TET3: variants seen among roughly 807,000 people sequenced by gnomAD.
The protein encoded by TET3 is tet methylcytosine dioxygenase 3, also known as methylcytosine dioxygenase TET3.
Under a neutral mutation model 141.4 loss-of-function variants are expected in TET3, and 19 were observed. That is an observed-to-expected ratio of 0.13 (90% CI 0.09 to 0.20). TET3 has a LOEUF of 0.20. Among genes scored for constraint, TET3 ranks in the 10% least tolerant of loss-of-function variants. The pLI is 1.00. For synonymous variants in TET3, 1,043 were observed against 980.9 expected (o/e 1.06, Z -1.18); for missense variants, 1,874 against 2,356.9 (o/e 0.80, Z 4.24).
intron 4 of TET3, among the ~76,000 whole-genome samples, chr2:74,050,229 T>A (rs1391269381): frequency 6.6e-6 from 1 of 152,364 alleles, no homozygotes; most frequent in South Asian, 2.1e-4. Context: ...TGGGAGTGCT[T>A]GGGCACTTTA....
chr2:74,044,554 A>G (rs1687513761), intron 3 of TET3, among the ~76,000 whole-genome samples: 1 of 152,230 alleles, frequency 6.6e-6, no homozygotes, highest in Non-Finnish European at 1.5e-5. Context: ...CACAGAACAC[A>G]ATATCCAGAA....
Position 74,104,908 on chromosome 2 carries a change from G to A in TET3, c.*2732G>A. The A allele has an allele frequency of 2.9e-6, 1 of 345,716 alleles. No individual in the cohort carries two copies. Among genetic ancestry groups the A allele is most frequent in the Non-Finnish European group, 5.2e-6 (1 of 193,766 alleles). 21.4% of individuals were successfully genotyped at this position (345,716 alleles called of 1,614,324 possible). A position where few individuals can be genotyped will look rare whatever the true frequency, so the allele number is the denominator to read the frequency against. On this transcript the variant is annotated 3_prime_UTR_variant, in exon 12 of 12. Coordinates refer to ENST00000409262, the MANE Select transcript of TET3 (RefSeq NM_001287491.2). ...CTCCCCGCAGAATGGCGTTTCCAGA[G>A]TTAGGCGGTGTGGTTGCCGTGCTCA...
At position 74,043,932 on chromosome 2, in the gene TET3, A is replaced by G. The variant is rs535742273; in HGVS notation, c.361-2346A>G. Among the ~76,000 whole-genome samples, 10 of 152,316 alleles carry G rather than the reference A, an allele frequency of 6.6e-5. No homozygotes were observed. The South Asian group carries it at 2.1e-3, about 32-fold the overall frequency. ...CCCAACACTTTAGGAGGCTAAGGCC[A>G]GAGGATCATTTGAGGCCAGAAGTTA... On this transcript the variant is annotated intron_variant, in intron 3 of 11. Coordinates refer to ENST00000409262, the MANE Select transcript of TET3 (RefSeq NM_001287491.2).
At chr2:74,027,259 G>C (rs911957740) in intron 3 of TET3, among the ~76,000 whole-genome samples, 3 of 151,908 alleles carry the variant, frequency 2.0e-5, no homozygotes, top group Non-Finnish European at 2.9e-5. Flanking sequence ...TGGAGATGCA[G>C]ATGAAGGATC....
At chr2:74,113,025 A>AAAAC (rs1691742503), downstream of TET3, among the ~76,000 whole-genome samples, 1 of 137,382 alleles carries the variant, frequency 7.3e-6, no homozygotes, top group African/African-American at 2.9e-5. Flanking sequence ...AAAAAAAAAA[A>AAAAC]AAAAAAAAAA....
intron 4 of TET3, among the ~76,000 whole-genome samples, chr2:74,065,475 A>C (rs563384560): frequency 5.9e-4 from 89 of 151,988 alleles, no homozygotes; most frequent in Non-Finnish European, 1.2e-3. Context: ...TCAACAAGAA[A>C]TATCCAGGGC....
At position 73,986,391 on chromosome 2, in the gene TET3, C is replaced by G. The variant is rs1684027018; in HGVS notation, c.-13C>G. The stretch of plus-strand genomic sequence containing the variant: ...TCTGCCCCAGCACCTATGACCCCAC[C>G]TCTGGCAGCATCATGAGCCAGTTTC... On this transcript the variant is annotated 5_prime_UTR_variant, in exon 2 of 12. Coordinates refer to ENST00000409262, the MANE Select transcript of TET3 (RefSeq NM_001287491.2). 4.5e-5 allele frequency: 55 copies of G among 1,232,098 alleles called. No individual in the cohort carries two copies. Among genetic ancestry groups the G allele is most frequent in the Non-Finnish European group, 5.5e-5 (54 of 988,096 alleles). 76.3% of individuals were successfully genotyped at this position (1,232,098 alleles called of 1,614,324 possible).
intron 3 of TET3, among the ~76,000 whole-genome samples, chr2:74,017,506 C>T (rs1248125481): frequency 6.6e-6 from 1 of 152,120 alleles, no homozygotes; most frequent in Non-Finnish European, 1.5e-5. Context: ...TCTTTCTGTC[C>T]CTGGCTTATT....
At chr2:74,129,764 GT>G in the TET3 span, among the ~76,000 whole-genome samples, 2 of 152,140 alleles carry the variant, frequency 1.3e-5, no homozygotes, top group African/African-American at 4.8e-5. Flanking sequence ...GCAGGAGTCT[GT>G]TGTTACACTC....
intron 2 of TET3, among the ~76,000 whole-genome samples, chr2:73,994,207 ACAGT>A (rs764183359): frequency 1.3e-4 from 20 of 152,162 alleles, no homozygotes; most frequent in Non-Finnish European, 2.6e-4. Context: ...AAGAATGTTG[ACAGT>A]CTGTCTTGAA....
chr2:74,080,708 G>GGA (rs1553432212), intron 6 of TET3, 117 bp downstream of exon 6: 1 of 339,890 alleles, frequency 2.9e-6, no homozygotes, highest in Admixed American at 4.1e-5. Context: ...GCGGGGGGTG[G>GGA]GGCCAGGTGG....
At chr2:74,059,717 G>A (rs1455935601) in intron 4 of TET3, among the ~76,000 whole-genome samples, 1 of 151,786 alleles carries the variant, frequency 6.6e-6, no homozygotes, top group East Asian at 1.9e-4. Context: ...TGGCTAATTT[G>A]TAAATTTTTT....
chr2:74,101,372 C>T lies in TET3; in HGVS notation c.4584C>T (p.Pro1528=). ...ACAGCACCTCGGCCTTGGCTGGGCC[C>T]AGCCTGACTGAGAAGCCGTGGGCGC... ...FGNSTSALAG[P]SLTEKPWALG... is the part of the protein sequence containing the mutation. Residue 1528 remains proline, a synonymous_variant, in exon 12 of 12, where the codon CCC becomes CCT. Transcript: ENST00000409262. This position sits in a 1 kb window ranked among gnomAD's most constrained non-coding sequence, Gnocchi z 8.5. 1 of 1,613,904 alleles carries T rather than the reference C, an allele frequency of 6.2e-7. No individual in the cohort carries two copies. The highest frequency in any genetic ancestry group is 8.5e-7 in the Non-Finnish European group (1 of 1,179,884).
chr2:74,079,150 G>A (rs539133959), intron 5 of TET3, among the ~76,000 whole-genome samples: 7 of 152,186 alleles, frequency 4.6e-5, no homozygotes, highest in African/African-American at 1.4e-4. Context: ...AGTTCAAGAC[G>A]AGCCTGGCCA....
intron 7 of TET3, 119 bp from the exon 8 acceptor site, chr2:74,089,778 C>T (rs905952980): frequency 3.0e-6 from 4 of 1,344,916 alleles, no homozygotes; most frequent in African/African-American, 1.4e-5. Context: ...GGATGAGTCT[C>T]AGTCACTGGG....
chr2:73,991,844 A>T (rs981589674), intron 2 of TET3, among the ~76,000 whole-genome samples: 1 of 150,884 alleles, frequency 6.6e-6, no homozygotes, highest in Non-Finnish European at 1.5e-5. Context: ...AAACGCTGAT[A>T]GAACAGTCAT....
chr2:74,083,213 C>T (rs560209921), intron 6 of TET3, among the ~76,000 whole-genome samples: 8 of 152,318 alleles, frequency 5.3e-5, no homozygotes, highest in South Asian at 2.1e-4. Flanking sequence ...GTACAAAATA[C>T]GGAAGATTCC....
Position 74,087,710 on chromosome 2 carries a change from A to G in TET3, c.2680-120A>G, listed in dbSNP as rs1408996323. The G allele has an allele frequency of 4.4e-6, 4 of 911,480 alleles. No individual in the cohort carries two copies. The highest frequency in any genetic ancestry group is 3.2e-5 in the Admixed American group (1 of 31,442). 56.5% of individuals were successfully genotyped at this position (911,480 alleles called of 1,614,324 possible). A position where few individuals can be genotyped will look rare whatever the true frequency, so the allele number is the denominator to read the frequency against. ...AAGGTTGCTGTCTTCAGGGCATGAC[A>G]TCCCTAGAACCCTGCCGTTAAGACC... On this transcript the variant is annotated intron_variant, in intron 6 of 11. Transcript: ENST00000409262. The surrounding 1 kb of genome is among the most constrained non-coding windows in gnomAD (Gnocchi z 4.3).
At chr2:73,996,716 C>G (rs550318357) in intron 2 of TET3, among the ~76,000 whole-genome samples, 2 of 152,342 alleles carry the variant, frequency 1.3e-5, no homozygotes, top group African/African-American at 4.8e-5. Context: ...CCATGTTGGC[C>G]AGGCTGGTCT....
Sources: gnomAD v4.1 joint callset for allele counts (sites outside exome capture counted in the v4.1 genomes callset) on GRCh38, gnomAD v4.1.1 for gene constraint, Gnocchi (gnomAD v3.1) non-coding constraint, MANE v1.5 for transcripts, NCBI Gene and HGNC (gene_info 2026-07-23, HGNC 2026-07-21) for gene names.